The following WWOX variants were observed in gnomAD, a reference collection of about 807,000 sequenced individuals.
The protein encoded by WWOX is WW domain containing oxidoreductase, also known as WW domain-containing oxidoreductase.
Under a neutral mutation model 46.2 loss-of-function variants are expected in WWOX, and 69 were observed. The ratio of observed to expected loss-of-function variants is 1.49; its 90% CI spans 1.23 to 1.82. WWOX has a LOEUF of 1.82. Among genes scored for constraint, WWOX ranks in the 40% most tolerant of loss-of-function variants. The probability of loss-of-function intolerance (pLI) is 0.00; values close to 1 mark genes in which losing one functional copy is unlikely to be tolerated. For missense variants in WWOX, 919 were observed against 542.6 expected, an observed-to-expected ratio of 1.69 and a Z score of -6.89; for synonymous variants, 359 against 202.6, an observed-to-expected ratio of 1.77 and a Z score of -6.56.
rs754875660 is a variant in WWOX, at chr16:78,577,623, T to A, written c.1056+144871T>A. On this transcript the variant is annotated intron_variant, in intron 8 of 8. Transcript: ENST00000566780. ...GCTTTCTGGGCTTTGGTTCCTAAAT[T>A]ATTTAAATGGGGATGATTACATACA... Among the ~76,000 whole-genome samples, 40 of 152,308 alleles carry A rather than the reference T, an allele frequency of 2.6e-4. 1 individual carries two copies. Among genetic ancestry groups the A allele is most frequent in the Non-Finnish European group, 3.1e-4 (21 of 68,028 alleles).
chr16:78,213,023 T>C (rs1473051295), intron 5 of WWOX, among the ~76,000 whole-genome samples: 1 of 151,652 alleles, frequency 6.6e-6, no homozygotes, highest in Non-Finnish European at 1.5e-5. Context: ...ACTTGGGAGG[T>C]GGGCGGATCA....
At chr16:78,767,954 C>A (rs759256474) in intron 8 of WWOX, among the ~76,000 whole-genome samples, 3 of 152,066 alleles carry the variant, frequency 2.0e-5, no homozygotes, top group Non-Finnish European at 4.4e-5. Context: ...CGAGTTTGGA[C>A]TGTGCTAATG....
At chr16:78,712,797 A>C (rs1236055759) in intron 8 of WWOX, among the ~76,000 whole-genome samples, 1 of 152,154 alleles carries the variant, frequency 6.6e-6, no homozygotes. Flanking sequence ...TGCGGAAAAA[A>C]CTGTTAGAGT....
intron 8 of WWOX, among the ~76,000 whole-genome samples, chr16:78,640,394 A>G (rs1286656936): frequency 1.3e-5 from 2 of 152,040 alleles, no homozygotes; most frequent in African/African-American, 4.8e-5. Context: ...CCTGGTGTTC[A>G]GAATTGGCAG....
chr16:78,765,207 C>T (rs1240929209), intron 8 of WWOX, among the ~76,000 whole-genome samples: 1 of 152,200 alleles, frequency 6.6e-6, no homozygotes, highest in African/African-American at 2.4e-5. Flanking sequence ...AAAGGCATCC[C>T]TGGCAGAGGA....
At chr16:78,943,077 G>A (rs980847841) in intron 8 of WWOX, among the ~76,000 whole-genome samples, 4 of 152,072 alleles carry the variant, frequency 2.6e-5, no homozygotes, top group African/African-American at 7.2e-5. Context: ...GGGCAATGAC[G>A]GCAACTATTT....
At chr16:78,776,195 C>G (rs2050185287) in intron 8 of WWOX, among the ~76,000 whole-genome samples, 1 of 152,148 alleles carries the variant, frequency 6.6e-6, no homozygotes, top group African/African-American at 2.4e-5. Context: ...GTTTTCCAGT[C>G]TTTCTCTAGA....
Position 78,619,143 on chromosome 16 carries a change from ATATAT to A in WWOX, c.1056+186392_1056+186396del, listed in dbSNP as rs1567441237. The stretch of plus-strand genomic sequence containing the variant: ...AAACCCCATTTCTACTAAAAAAAAA[ATATAT>A]ATATATATATATATATATATATATA... On this transcript the variant is annotated intron_variant, in intron 8 of 8. Coordinates refer to ENST00000566780, the MANE Select transcript of WWOX (RefSeq NM_016373.4). Among the ~76,000 whole-genome samples, 9 of 3,526 alleles carry A rather than the reference ATATAT, an allele frequency of 2.6e-3. 3 individuals are homozygous for A. Among genetic ancestry groups the A allele is most frequent in the Admixed American group, 7.9e-3 (2 of 254 alleles). 2.3% of individuals were successfully genotyped at this position (3,526 alleles called of 152,430 possible).
At chr16:78,577,052 C>G (rs553684862) in intron 8 of WWOX, among the ~76,000 whole-genome samples, 5 of 152,332 alleles carry the variant, frequency 3.3e-5, no homozygotes, top group Middle Eastern at 3.4e-3. Context: ...TTTCACCCAT[C>G]TCATTCTATA....
rs190860484 is a variant in WWOX at position 78,164,304 on chromosome 16, G to A, written c.516+15G>A. ...TAGAAGAATGGGTAAGTGCTTGACT[G>A]TTGTTGTTTTTTTTAATTGTCAAAT... On this transcript the variant is annotated intron_variant, in intron 5 of 8. Transcript: ENST00000566780. The A allele has an allele frequency of 1.6e-5, 25 of 1,610,744 alleles. 1 individual carries two copies. In the East Asian group the frequency reaches 5.4e-4, roughly 34 times the overall value.
At chr16:78,259,992 G>T (rs1231996343) in intron 5 of WWOX, among the ~76,000 whole-genome samples, 2 of 151,372 alleles carry the variant, frequency 1.3e-5, no homozygotes, top group African/African-American at 4.9e-5. Context: ...TAAGTGCTTC[G>T]TTAAATGAAT....
intron 7 of WWOX, among the ~76,000 whole-genome samples, chr16:78,429,419 C>T (rs1284858592): frequency 6.6e-6 from 1 of 152,160 alleles, no homozygotes; most frequent in Admixed American, 6.5e-5. Flanking sequence ...CAAAAAATCA[C>T]CATGATATCC....
chr16:78,600,548 C>G (rs1266133691), intron 8 of WWOX, among the ~76,000 whole-genome samples: 2 of 152,164 alleles, frequency 1.3e-5, no homozygotes, highest in Non-Finnish European at 2.9e-5. Context: ...TACCACTTCT[C>G]CTAGGGATCA....
At chr16:78,511,575 A>G (rs1036727307) in intron 8 of WWOX, among the ~76,000 whole-genome samples, 2 of 152,202 alleles carry the variant, frequency 1.3e-5, no homozygotes, top group Non-Finnish European at 2.9e-5. Flanking sequence ...GTCCTCACTT[A>G]CATCTCCCAA....
At chr16:78,778,937 C>G (rs941554200) in intron 8 of WWOX, among the ~76,000 whole-genome samples, 3 of 152,162 alleles carry the variant, frequency 2.0e-5, no homozygotes, top group Admixed American at 6.5e-5. Context: ...CCCTTGTTCA[C>G]CCCTTGGCAA....
At chr16:78,850,914 T>A (rs55856006) in intron 8 of WWOX, among the ~76,000 whole-genome samples, 1,854 of 152,346 alleles carry the variant, frequency 0.012, 40 homozygotes, top group African/African-American at 0.043. Context: ...TATTGATCAG[T>A]CATGAATAAG....
intron 8 of WWOX, among the ~76,000 whole-genome samples, chr16:78,904,234 CTTT>C (rs5818190): frequency 5.8e-5 from 5 of 85,770 alleles, no homozygotes; most frequent in Middle Eastern, 6.5e-3. Context: ...TTATAAATGC[CTTT>C]TTTTTTTTTT....
chr16:78,990,245 G>T (rs1038854692), intron 8 of WWOX, among the ~76,000 whole-genome samples: 2 of 151,354 alleles, frequency 1.3e-5, no homozygotes, highest in Non-Finnish European at 1.5e-5. Flanking sequence ...TCAGATTAAG[G>T]GCCTCCATTC....
At chr16:78,547,139 A>AAAC (rs1567635684) in intron 8 of WWOX, among the ~76,000 whole-genome samples, 1 of 43,370 alleles carries the variant, frequency 2.3e-5, no homozygotes, top group African/African-American at 4.0e-5. Flanking sequence ...AAAAAAAAAA[A>AAAC]AAAAAAAAAA....
Sources: gnomAD v4.1 joint callset for allele counts (sites outside exome capture counted in the v4.1 genomes callset) on GRCh38, gnomAD v4.1.1 for gene constraint, MANE v1.5 for transcripts, NCBI Gene and HGNC (gene_info 2026-07-23, HGNC 2026-07-21) for gene names.